TPH2: variants seen among roughly 807,000 people sequenced by gnomAD.
TPH2 encodes tryptophan hydroxylase 2, also known as tryptophan 5-hydroxylase 2.
In TPH2, 27 loss-of-function variants were observed where a neutral mutation model predicts 59.1. The ratio of observed to expected loss-of-function variants is 0.46; its 90% CI spans 0.34 to 0.63. The LOEUF (loss-of-function observed/expected upper bound fraction) is 0.63, where lower values mean the gene tolerates loss of function less well. Ranked by LOEUF, TPH2 falls within the 30% of genes least tolerant of loss-of-function variation. The pLI, the probability that TPH2 is intolerant of heterozygous loss-of-function variation, is 0.01. For missense variants in TPH2, 523 were observed against 588.3 expected (o/e 0.89, Z 1.15); for synonymous variants, 220 against 210.5 (o/e 1.05, Z -0.39).
intron 8 of TPH2, among the ~76,000 whole-genome samples, chr12:72,022,105 A>T (rs780826200): frequency 9.2e-5 from 14 of 152,066 alleles, no homozygotes; most frequent in African/African-American, 3.1e-4. Context: ...TCATTTCTAC[A>T]TCTGTGTTTT....
Position 72,032,139 on chromosome 12 carries a change from C to T in TPH2, c.*444C>T, listed in dbSNP as rs1427357249. ...TTTCACGCATTATTTGAGATAAACC[C>T]AGAATTGTAGGAAACTTCCCATCAC... On this transcript the variant is annotated 3_prime_UTR_variant, in exon 11 of 11. Coordinates refer to ENST00000333850, the MANE Select transcript of TPH2 (RefSeq NM_173353.4). The T allele has an allele frequency of 1.1e-5, 2 of 187,620 alleles. No individual in the cohort carries two copies. The highest frequency in any genetic ancestry group is 4.7e-5 in the African/African-American group (2 of 42,468). 11.6% of individuals were successfully genotyped at this position (187,620 alleles called of 1,614,324 possible).
At chr12:71,951,045 C>G (rs748864944) in intron 5 of TPH2, among the ~76,000 whole-genome samples, 17 of 152,150 alleles carry the variant, frequency 1.1e-4, no homozygotes, top group Non-Finnish European at 2.5e-4. Flanking sequence ...TTCTCATCTC[C>G]TCTGTTCTAA....
At chr12:71,996,530 C>A (rs1487278454) in intron 8 of TPH2, among the ~76,000 whole-genome samples, 1 of 152,142 alleles carries the variant, frequency 6.6e-6, no homozygotes, top group Non-Finnish European at 1.5e-5. Flanking sequence ...TTCAAACTTG[C>A]CTTGAAATTT....
chr12:72,003,433 T>C (rs1009704059), intron 8 of TPH2, among the ~76,000 whole-genome samples: 1 of 152,238 alleles, frequency 6.6e-6, no homozygotes, highest in Admixed American at 6.5e-5. Context: ...ACTTTCACTT[T>C]TATGTCTGCT....
In TPH2 at chr12:71,972,696, T is replaced by G; in HGVS notation, c.786T>G (p.Asp262Glu). The G allele has an allele frequency of 6.2e-7, 1 of 1,614,088 alleles. No individual in the cohort carries two copies. Among genetic ancestry groups the G allele is most frequent in the Non-Finnish European group, 8.5e-7 (1 of 1,180,038 alleles). The part of the protein sequence containing the change: ...YREDNVPQLE[D>E]VSMFLKERSG... ...AGGACAATGTGCCTCAACTCGAAGA[T>G]GTCTCCATGTTTCTGAAAGGTAAGA... is the stretch of plus-strand genomic sequence containing the variant. Residue 262 changes from aspartate (D) to glutamate (E), a missense_variant, in exon 6 of 11, where the codon GAT becomes GAG. Transcript: ENST00000333850.
At chr12:71,971,536 G>A (rs754547779) in intron 5 of TPH2, among the ~76,000 whole-genome samples, 7 of 152,100 alleles carry the variant, frequency 4.6e-5, no homozygotes, top group Non-Finnish European at 1.0e-4. Flanking sequence ...GTTGCAGCAC[G>A]AGGTATATTC....
At chr12:71,978,840 G>A (rs1175358480) in intron 6 of TPH2, 112 bp from the exon 7 acceptor site, 3 of 1,374,826 alleles carry the variant, frequency 2.2e-6, no homozygotes, top group African/African-American at 2.9e-5. Flanking sequence ...AGAGGTTTAT[G>A]ACCTTGATTA....
intron 7 of TPH2, among the ~76,000 whole-genome samples, chr12:71,982,851 A>G (rs10879349): frequency 0.58 from 88,158 of 152,062 alleles, 25,803 homozygotes; most frequent in African/African-American, 0.61. Flanking sequence ...TATCTGAAAA[A>G]AGAATTTTAT....
At chr12:71,971,565 C>T (rs1196460294) in intron 5 of TPH2, among the ~76,000 whole-genome samples, 2 of 152,136 alleles carry the variant, frequency 1.3e-5, no homozygotes, top group Non-Finnish European at 2.9e-5. Flanking sequence ...TGGCTGCTGG[C>T]TGCTATTATA....
intron 7 of TPH2, among the ~76,000 whole-genome samples, chr12:71,991,058 T>G (rs575828547): frequency 8.8e-4 from 134 of 152,354 alleles, no homozygotes; most frequent in Non-Finnish European, 4.9e-4. Flanking sequence ...GTCATTGCAA[T>G]GGTATTAAAG....
chr12:71,944,243 A>G (rs1182144896), intron 2 of TPH2, 51 bp from the exon 3 acceptor site: 1 of 1,596,416 alleles, frequency 6.3e-7, no homozygotes, highest in Non-Finnish European at 8.6e-7. Flanking sequence ...AGCTCATGGC[A>G]TTCCTTTTAT....
At chr12:72,021,391 G>GTGTGTGTA (rs1311119267) in intron 8 of TPH2, among the ~76,000 whole-genome samples, 1 of 147,972 alleles carries the variant, frequency 6.8e-6, no homozygotes, top group Non-Finnish European at 1.5e-5. Context: ...GTGTGTGTGT[G>GTGTGTGTA]TGTGTATGTG....
chr12:72,007,457 G>C (rs555783131), intron 8 of TPH2, among the ~76,000 whole-genome samples: 93 of 152,264 alleles, frequency 6.1e-4, no homozygotes, highest in South Asian at 2.9e-3. Context: ...AATCTTGGCT[G>C]CTCCTCCTTA....
chr12:72,018,714 T>C (rs1386483), intron 8 of TPH2, among the ~76,000 whole-genome samples: 80,092 of 151,970 alleles, frequency 0.53, 22,437 homozygotes, highest in Non-Finnish European at 0.64. Flanking sequence ...GTAAGTGCAA[T>C]ATAAATTAGG....
At chr12:71,967,778 C>T (rs1021000879) in intron 5 of TPH2, among the ~76,000 whole-genome samples, 4 of 152,218 alleles carry the variant, frequency 2.6e-5, no homozygotes, top group African/African-American at 9.6e-5. Flanking sequence ...ATTCTACTTT[C>T]CTGCTGGGAA....
chr12:72,004,707 C>T (rs1376835169), intron 8 of TPH2, among the ~76,000 whole-genome samples: 1 of 152,126 alleles, frequency 6.6e-6, no homozygotes, highest in Non-Finnish European at 1.5e-5. Context: ...TGGTGTAATT[C>T]CATTTCTAGC....
At chr12:72,026,821 C>T (rs1436628155) in intron 9 of TPH2, among the ~76,000 whole-genome samples, 1 of 152,100 alleles carries the variant, frequency 6.6e-6, no homozygotes, top group East Asian at 1.9e-4. Context: ...GCATCATTGC[C>T]TAATTTGGCA....
intron 6 of TPH2, among the ~76,000 whole-genome samples, chr12:71,975,960 A>G (rs1246668201): frequency 1.3e-4 from 20 of 152,292 alleles, no homozygotes; most frequent in East Asian, 1.9e-4. Flanking sequence ...CCAAACCCCA[A>G]TAGTTAGAAT....
intron 7 of TPH2, among the ~76,000 whole-genome samples, chr12:71,980,038 T>C (rs1872231806): frequency 1.3e-5 from 2 of 152,144 alleles, no homozygotes; most frequent in African/African-American, 4.8e-5. Context: ...TGAAGACAAA[T>C]AGAGCATGGC....
Sources: allele counts gnomAD v4.1 joint callset (sites outside exome capture counted in the v4.1 genomes callset), GRCh38; gene constraint gnomAD v4.1.1; transcripts MANE v1.5; gene names NCBI Gene and HGNC (gene_info 2026-07-23, HGNC 2026-07-21).